Variants in SDK2 observed in about 807,000 individuals in gnomAD.
The protein encoded by SDK2 is sidekick cell adhesion molecule 2, also known as protein sidekick-2.
Under a neutral mutation model 253.9 loss-of-function variants are expected in SDK2, and 105 were observed. The observed-to-expected ratio is 0.41, with a 90% confidence interval of 0.35 to 0.49. SDK2 has a LOEUF of 0.49. SDK2 is among the 20% of genes least tolerant of loss of function. The pLI, the probability that SDK2 is intolerant of heterozygous loss-of-function variation, is 0.06. For missense variants in SDK2, 2,608 were observed against 3,003.0 expected (o/e 0.87, Z 3.07); for synonymous variants, 1,249 against 1,234.9 (o/e 1.01, Z -0.24).
At chr17:73,540,501 CAG>C (rs1401319512) in intron 1 of SDK2, among the ~76,000 whole-genome samples, 14 of 152,210 alleles carry the variant, frequency 9.2e-5, no homozygotes, top group African/African-American at 3.4e-4. Context: ...ATTCTCCTAA[CAG>C]AATATGGGAC....
intron 1 of SDK2, among the ~76,000 whole-genome samples, chr17:73,586,869 G>A (rs1289057245): frequency 6.6e-6 from 1 of 152,230 alleles, no homozygotes; most frequent in Non-Finnish European, 1.5e-5. Context: ...CCATTTTAGA[G>A]ATGGAAAAAC....
intron 1 of SDK2, among the ~76,000 whole-genome samples, chr17:73,600,399 C>T (rs1374432375): frequency 6.6e-6 from 1 of 152,194 alleles, no homozygotes; most frequent in African/African-American, 2.4e-5. Flanking sequence ...AACGGGACGC[C>T]TTCCCAACAG....
chr17:73,390,694 AG>A (rs2062920879), intron 28 of SDK2, among the ~76,000 whole-genome samples: 1 of 152,054 alleles, frequency 6.6e-6, no homozygotes, highest in Non-Finnish European at 1.5e-5. Flanking sequence ...TGGCATGGAG[AG>A]GCACTCTATG....
intron 1 of SDK2, among the ~76,000 whole-genome samples, chr17:73,566,436 T>A (rs1189102924): frequency 6.6e-6 from 1 of 152,044 alleles, no homozygotes; most frequent in Non-Finnish European, 1.5e-5. Flanking sequence ...AGTGTTGCTA[T>A]AAAGATACTT....
intron 1 of SDK2, among the ~76,000 whole-genome samples, chr17:73,553,999 G>T (rs1201394364): frequency 2.6e-5 from 4 of 152,168 alleles, no homozygotes; most frequent in Non-Finnish European, 5.9e-5. Context: ...GTTACTAGGG[G>T]AGCTGGGGCC....
chr17:73,449,783 G>T (rs1481146907), intron 4 of SDK2, among the ~76,000 whole-genome samples: 1 of 151,766 alleles, frequency 6.6e-6, no homozygotes, highest in African/African-American at 2.4e-5. Flanking sequence ...AGCCGGGTGT[G>T]GTGGTGGTGC....
intron 12 of SDK2, among the ~76,000 whole-genome samples, chr17:73,425,722 G>C (rs916711279): frequency 6.6e-6 from 1 of 152,054 alleles, no homozygotes; most frequent in Non-Finnish European, 1.5e-5. Context: ...GGTCAGGCTG[G>C]TCTCTAACTC....
Position 73,352,136 on chromosome 17 carries a change from G to C in SDK2, c.5758+337C>G, listed in dbSNP as rs944440508. On this transcript the variant is annotated intron_variant, in intron 41 of 44. Transcript: ENST00000392650. This position sits in a 1 kb window ranked among gnomAD's most constrained non-coding sequence, Gnocchi z 4.1. ...CACGTTGGGGCTGGAGGTTTCCATG[G>C]AAAGATAGTTTATGGCCTGGTGCCC... 6.6e-6 allele frequency among the ~76,000 whole-genome samples: 1 copy of C among 152,122 alleles called. No homozygotes were observed. The highest frequency in any genetic ancestry group is 2.4e-5 in the African/African-American group (1 of 41,432).
intron 1 of SDK2, among the ~76,000 whole-genome samples, chr17:73,597,087 G>A (rs1350612137): frequency 6.6e-6 from 1 of 152,218 alleles, no homozygotes; most frequent in Non-Finnish European, 1.5e-5. Context: ...CCCTGTGGGA[G>A]TGCCTGTCAA....
At chr17:73,349,863 A>G (rs1261651215) in intron 43 of SDK2, among the ~76,000 whole-genome samples, 2 of 152,192 alleles carry the variant, frequency 1.3e-5, no homozygotes, top group Non-Finnish European at 2.9e-5. Flanking sequence ...CTTTGGGGCC[A>G]GTGACGATCT....
At chr17:73,341,922 T>C (rs1372809776) in intron 44 of SDK2, among the ~76,000 whole-genome samples, 1 of 152,140 alleles carries the variant, frequency 6.6e-6, no homozygotes, top group Non-Finnish European at 1.5e-5. Context: ...GCCTGGGTAC[T>C]GACGGGCACA....
chr17:73,340,734 G>GTTTTTTTTTT lies in SDK2; in HGVS notation c.6166-1804_6166-1795dup, dbSNP rs10638504. ...ATTTTCATGTAATGAAAACCTTAAA[G>GTTTTTTTTTT]TTTTTTTTTTTTTTTTTTTTTTTTT... On this transcript the variant is annotated intron_variant, in intron 44 of 44. Coordinates refer to ENST00000392650, the MANE Select transcript of SDK2 (RefSeq NM_001144952.2). Among the ~76,000 whole-genome samples, 29 of 77,556 alleles carry GTTTTTTTTTT rather than the reference G, an allele frequency of 3.7e-4. 3 individuals carry two copies. Among genetic ancestry groups the GTTTTTTTTTT allele is most frequent in the South Asian group, 6.3e-4 (1 of 1,596 alleles). The allele number at this position is 77,556 out of a possible 152,430, so 50.9% of individuals were successfully genotyped here.
chr17:73,356,476 G>A (rs1383150189), intron 40 of SDK2, among the ~76,000 whole-genome samples: 1 of 152,184 alleles, frequency 6.6e-6, no homozygotes, highest in African/African-American at 2.4e-5. Flanking sequence ...GGCAGCTCCT[G>A]GCTTATAGAA....
chr17:73,615,753 CAG>C (rs1411732110), intron 1 of SDK2, among the ~76,000 whole-genome samples: 1 of 152,184 alleles, frequency 6.6e-6, no homozygotes, highest in Non-Finnish European at 1.5e-5. Context: ...GTTTTTAAAC[CAG>C]AGTCATGTGA....
At chr17:73,497,589 C>T (rs2145739691) in intron 2 of SDK2, among the ~76,000 whole-genome samples, 1 of 152,206 alleles carries the variant, frequency 6.6e-6, no homozygotes, top group East Asian at 1.9e-4. Context: ...TCCTCCCTCT[C>T]CTGCATGGCC....
rs551534943 is a variant in SDK2 at position 73,643,389 on chromosome 17, C to A, written c.64+636G>T. Among the ~76,000 whole-genome samples, 1 of 152,256 alleles carries A rather than the reference C, an allele frequency of 6.6e-6. No individual in the cohort carries two copies. The highest frequency in any genetic ancestry group is 2.1e-4 in the South Asian group (1 of 4,830). Reference sequence around the variant, plus strand: ...GGGGAGGCCTCAGACCCTCCCTGTGCACCACCCCCCGGTGGGTCCGCGGCT... The same window carrying A: ...GGGGAGGCCTCAGACCCTCCCTGTGAACCACCCCCCGGTGGGTCCGCGGCT... On this transcript the variant is annotated intron_variant, in intron 1 of 44. Transcript: ENST00000392650. The surrounding 1 kb of genome is among the most constrained non-coding windows in gnomAD (Gnocchi z 6.9).
At chr17:73,417,885 C>T (rs982362673) in intron 16 of SDK2, among the ~76,000 whole-genome samples, 12 of 151,982 alleles carry the variant, frequency 7.9e-5, no homozygotes, top group East Asian at 3.8e-4. Context: ...TTGAGAAACA[C>T]GATGCATATA....
chr17:73,407,776 A>T (rs2145548346), intron 18 of SDK2, among the ~76,000 whole-genome samples: 1 of 152,274 alleles, frequency 6.6e-6, no homozygotes, highest in Admixed American at 6.5e-5. Context: ...TAAGTAAGGA[A>T]AAATAATTAA....
intron 3 of SDK2, among the ~76,000 whole-genome samples, chr17:73,468,897 T>G (rs2063623462): frequency 1.3e-5 from 2 of 152,118 alleles, no homozygotes; most frequent in African/African-American, 4.8e-5. Context: ...TGATCTTGTC[T>G]CACTGCAACC....
Sources: allele counts gnomAD v4.1 joint callset (sites outside exome capture counted in the v4.1 genomes callset), GRCh38; gene constraint gnomAD v4.1.1; non-coding constraint Gnocchi (gnomAD v3.1); transcripts MANE v1.5; gene names NCBI Gene and HGNC (gene_info 2026-07-23, HGNC 2026-07-21).